CFAP74: variants seen among roughly 807,000 people sequenced by gnomAD.
The protein encoded by CFAP74 is cilia and flagella associated protein 74.
Under a neutral mutation model 188.9 loss-of-function variants are expected in CFAP74, and 124 were observed. The observed-to-expected ratio is 0.66, with a 90% CI of 0.57 to 0.76. CFAP74 has a LOEUF of 0.76. CFAP74 is among the 30% of genes least tolerant of loss of function. CFAP74 has a pLI of 0.00. For missense variants in CFAP74, 2,198 were observed against 2,165.2 expected (o/e 1.02, Z -0.30); for synonymous variants, 956 against 916.7 (o/e 1.04, Z -0.77).
chr1:1,986,924 G>A lies in CFAP74; in HGVS notation c.395+13C>T, dbSNP rs775602152. 7 of 1,597,288 alleles carry A rather than the reference G, an allele frequency of 4.4e-6. No homozygotes were observed. The highest frequency in any genetic ancestry group is 5.9e-6 in the Non-Finnish European group (7 of 1,176,982). On this transcript the variant is annotated intron_variant, in intron 5 of 38. Coordinates refer to ENST00000682832, the MANE Select transcript of CFAP74 (RefSeq NM_001304360.2). ...CATGCCCGGTTCCCTGCCCCCTGGC[G>A]AGGGCCACCTACATGTTGCCCGCCT...
rs754994632 is a variant in CFAP74, at chr1:1,988,622, T to C, written c.186A>G (p.Lys62=). 4.3e-6 allele frequency: 7 copies of C among 1,611,532 alleles called. No homozygotes were observed. In the South Asian group the frequency reaches 6.6e-5, roughly 15 times the overall value. The change falls in exon 4 of 39, where the codon AAA becomes AAG. Residue 62 remains lysine (K), a synonymous_variant. Transcript: ENST00000682832. ...TGTCCTCAGCTGTTTTCTTCTTCAA[T>C]TTATCAGCATCAGTATCTAGTTCTT... ...SVKELDTDAD[K]LKKKTAEDRT...
intron 1 of CFAP74, among the ~76,000 whole-genome samples, chr1:1,996,869 C>A: frequency 7.4e-6 from 1 of 135,936 alleles, no homozygotes; most frequent in African/African-American, 2.7e-5. Context: ...TGCAGTGAGC[C>A]AAGATCATGC....
chr1:1,974,113 G>GC lies in CFAP74; in HGVS notation c.585dup (p.Arg196AlafsTer125). 6.2e-7 allele frequency: 1 copy of GC among 1,612,426 alleles called. No homozygotes were observed. The highest frequency in any genetic ancestry group is 1.1e-5 in the South Asian group (1 of 90,918). ...TCGGCTGCGCGCACCTGGAGCCGCCGCCCCGTGGCCTCCACCTCCTCACGG... is the reference window on the plus strand; with the variant it reads ...TCGGCTGCGCGCACCTGGAGCCGCCGCCCCCGTGGCCTCCACCTCCTCACGG... On this transcript the variant is annotated frameshift_variant, in exon 7 of 39. Transcript: ENST00000682832. LOFTEE classifies it high-confidence loss of function.
At chr1:1,952,496 G>T (rs1240125705) in intron 18 of CFAP74, among the ~76,000 whole-genome samples, 1 of 151,034 alleles carries the variant, frequency 6.6e-6, no homozygotes, top group African/African-American at 2.4e-5. Flanking sequence ...TGTCAGACTG[G>T]ATAAACAGAC....
Position 1,964,562 on chromosome 1 carries a change from G to C in CFAP74, c.1575+326C>G, listed in dbSNP as rs1655326097. The stretch of plus-strand genomic sequence containing the variant: ...CCCAGCACTTTGGGAGGCTGAGGCG[G>C]GCAGATCGCCTGAGGTCAGGAGTTC... On this transcript the variant is annotated intron_variant, in intron 13 of 38. Coordinates refer to ENST00000682832, the MANE Select transcript of CFAP74 (RefSeq NM_001304360.2). 2.0e-5 allele frequency among the ~76,000 whole-genome samples: 3 copies of C among 152,366 alleles called. No individual in the cohort carries two copies. In the South Asian group the frequency reaches 6.2e-4, roughly 32 times the overall value.
In CFAP74 at chr1:1,942,024, C is replaced by G. The variant is rs1383653322; in HGVS notation, c.2615+4G>C. The G allele has an allele frequency of 2.0e-6, 3 of 1,494,618 alleles. No homozygotes were observed. Among genetic ancestry groups the G allele is most frequent in the African/African-American group, 2.8e-5 (2 of 71,642 alleles). 92.6% of individuals were successfully genotyped at this position (1,494,618 alleles called of 1,614,324 possible). A position where few individuals can be genotyped will look rare whatever the true frequency, so the allele number is the denominator to read the frequency against. On this transcript the variant is annotated splice_donor_region_variant and intron_variant, in intron 22 of 38. Transcript: ENST00000682832. The surrounding 1 kb of genome is among the most constrained non-coding windows in gnomAD (Gnocchi z 4.3). ...TGTCCCGGCCTTGGCGTCCTGGCAC[C>G]TACCGCGGCAGGAACTTGAGCTGCA...
At chr1:1,941,261 A>T (rs1653356975) in intron 22 of CFAP74, among the ~76,000 whole-genome samples, 1 of 152,184 alleles carries the variant, frequency 6.6e-6, no homozygotes. Flanking sequence ...TCCTAGTCCC[A>T]CCAGGCCCGT....
At chr1:1,966,812 G>T (rs79334998) in intron 11 of CFAP74, among the ~76,000 whole-genome samples, 1 of 151,612 alleles carries the variant, frequency 6.6e-6, no homozygotes, top group South Asian at 2.1e-4. Flanking sequence ...CCTTGGCGCC[G>T]ATCCTCAGGC....
rs764688551 is a variant in CFAP74 at position 1,973,019 on chromosome 1, C to G, written c.703G>C (p.Gly235Arg). 58 of 1,613,946 alleles carry G rather than the reference C, an allele frequency of 3.6e-5. No homozygotes were observed. The Middle Eastern group carries it at 5.0e-4, about 14-fold the overall frequency. Residue 235 changes from glycine to arginine, a missense_variant, in exon 8 of 39, where the codon GGG (glycine) becomes CGG (arginine). Coordinates refer to ENST00000682832, the MANE Select transcript of CFAP74 (RefSeq NM_001304360.2). The surrounding 1 kb of genome is among the most constrained non-coding windows in gnomAD (Gnocchi z 6.2). ...RKSLNTQKEL[G>R]LRHQKLLEDA... ...TCCAGCAGCTTCTGGTGCCTGAGCC[C>G]GAGCTCCTTCTGGGTGTTCAGGGAC...
chr1:1,924,565 G>A lies in CFAP74; in HGVS notation c.4105-45C>T. 1.9e-6 allele frequency: 3 copies of A among 1,569,584 alleles called. No homozygotes were observed. In the South Asian group the frequency reaches 3.5e-5, roughly 18 times the overall value. On this transcript the variant is annotated intron_variant, in intron 33 of 38. Transcript: ENST00000682832. ...GTCACTGCCCGCCAGCCCCTGCCTG[G>A]CTGCCCCCTTCCTGTCGTCGGTGCC...
In CFAP74 at chr1:1,993,938, C is replaced by T. The variant is rs377231244; in HGVS notation, c.-19-2963G>A. Among the ~76,000 whole-genome samples, 31 of 150,972 alleles carry T rather than the reference C, an allele frequency of 2.1e-4. No individual in the cohort carries two copies. The South Asian group carries it at 4.6e-3, about 22-fold the overall frequency. ...CGGAGCTTGCAGTGAGCCGAGATCACACCACTGCACTCCAGCCTGGGCGAC... is the reference window on the plus strand; with the variant it reads ...CGGAGCTTGCAGTGAGCCGAGATCATACCACTGCACTCCAGCCTGGGCGAC... On this transcript the variant is annotated intron_variant, in intron 1 of 38. Coordinates refer to ENST00000682832, the MANE Select transcript of CFAP74 (RefSeq NM_001304360.2).
rs1557990420 is a variant in CFAP74 at position 1,930,106 on chromosome 1, G to GA, written c.3241dup (p.Ser1081PhefsTer116). The GA allele has an allele frequency of 6.5e-7, 1 of 1,534,426 alleles. No homozygotes were observed. Among genetic ancestry groups the GA allele is most frequent in the Admixed American group, 2.0e-5 (1 of 50,944 alleles). ...CACTGAGGGCGAGATGGTGATAGGCGAGTCTGGGGGCAGCAGGAACTCGAA... is the reference window on the plus strand; with the variant it reads ...CACTGAGGGCGAGATGGTGATAGGCGAAGTCTGGGGGCAGCAGGAACTCGAA... On this transcript the variant is annotated frameshift_variant, in exon 26 of 39. Coordinates refer to ENST00000682832, the MANE Select transcript of CFAP74 (RefSeq NM_001304360.2). LOFTEE classifies it high-confidence loss of function.
rs758112019 is a variant in CFAP74 at position 1,985,379 on chromosome 1, G to A, written c.500+7C>T. The A allele has an allele frequency of 1.4e-5, 23 of 1,611,822 alleles. No homozygotes were observed. Among genetic ancestry groups the A allele is most frequent in the Admixed American group, 8.3e-5 (5 of 60,010 alleles). On this transcript the variant is annotated splice_region_variant and intron_variant, in intron 6 of 38. Transcript: ENST00000682832. ...CTGCTGCCAGTCCCGGCTGCACACC[G>A]ACTCACTCGCTCTCCTTCAGCACGG...
chr1:1,932,093 A>AAAACC (rs1246446828), intron 25 of CFAP74, among the ~76,000 whole-genome samples: 1 of 138,770 alleles, frequency 7.2e-6, no homozygotes, highest in African/African-American at 2.7e-5. Flanking sequence ...AAAACAAAAA[A>AAAACC]CAAAAAACTT....
rs867517016 is a variant in CFAP74 at position 1,971,986 on chromosome 1, C to T, written c.882G>A (p.Ala294=). The change falls in exon 9 of 39, where the codon GCG becomes GCA. Residue 294 remains alanine, a synonymous_variant. Coordinates refer to ENST00000682832, the MANE Select transcript of CFAP74 (RefSeq NM_001304360.2). ...TGGGGCTGCGGGGGCCTACCCGGTT[C>T]GCGGAGATGCTGCCCTTCAGCGCCA... ...AVVALKGSIS[A]NRDTLRKFQA... The T allele has an allele frequency of 1.3e-5, 21 of 1,609,094 alleles. No individual in the cohort carries two copies. The highest frequency in any genetic ancestry group is 2.7e-5 in the African/African-American group (2 of 74,936).
intron 18 of CFAP74, chr1:1,955,253 G>A (rs530890201): frequency 1.1e-3 from 1,470 of 1,292,006 alleles, no homozygotes; most frequent in Non-Finnish European, 1.4e-3. Flanking sequence ...TCCCGATGGC[G>A]GCGGGCTGCA....
At chr1:1,949,530 T>G (rs563011321) in intron 18 of CFAP74, among the ~76,000 whole-genome samples, 1 of 136,626 alleles carries the variant, frequency 7.3e-6, no homozygotes, top group South Asian at 2.5e-4. Context: ...ATAAGTTGCA[T>G]ATAGTAAAAT....
chr1:1,988,150 T>C (rs1480099725), intron 4 of CFAP74: 2 of 487,954 alleles, frequency 4.1e-6, no homozygotes, highest in African/African-American at 3.9e-5. Flanking sequence ...TATTTAGGAG[T>C]GACGTATCAT....
At position 1,922,125 on chromosome 1, in the gene CFAP74, C is replaced by T; in HGVS notation, c.*162G>A. 1.7e-6 allele frequency: 1 copy of T among 598,754 alleles called. No homozygotes were observed. The highest frequency in any genetic ancestry group is 2.0e-5 in the South Asian group (1 of 49,954). The allele number at this position is 598,754 out of a possible 1,614,324, so 37.1% of individuals were successfully genotyped here. A position where few individuals can be genotyped will look rare whatever the true frequency, so the allele number is the denominator to read the frequency against. On this transcript the variant is annotated 3_prime_UTR_variant, in exon 39 of 39. Transcript: ENST00000682832. Reference sequence around the variant, plus strand: ...TGGATGTCCCTGGGCTTGCGGGGTCCAGGGCAGCAGGAAGTGGCCGTGGCG... The same window carrying T: ...TGGATGTCCCTGGGCTTGCGGGGTCTAGGGCAGCAGGAAGTGGCCGTGGCG...
Sources: gnomAD v4.1 joint callset for allele counts (sites outside exome capture counted in the v4.1 genomes callset) on GRCh38, gnomAD v4.1.1 for gene constraint, Gnocchi (gnomAD v3.1) non-coding constraint, MANE v1.5 for transcripts, NCBI Gene and HGNC (gene_info 2026-07-23, HGNC 2026-07-21) for gene names.